The following TRAPPC9 variants were observed in gnomAD, a reference collection of about 807,000 sequenced individuals.
TRAPPC9 encodes trafficking protein particle complex subunit 9, also known as IKK2 binding protein.
Under a neutral mutation model 124.0 loss-of-function variants are expected in TRAPPC9, and 83 were observed. The ratio of observed to expected loss-of-function variants is 0.67; its 90% CI spans 0.56 to 0.80. The LOEUF is 0.80. Ranked by LOEUF, TRAPPC9 falls within the 30% of genes least tolerant of loss-of-function variation. The pLI is 0.00. For missense variants in TRAPPC9, 1,302 were observed against 1,508.3 expected, an observed-to-expected ratio of 0.86 and a Z score of 2.27; for synonymous variants, 638 against 617.5, an observed-to-expected ratio of 1.03 and a Z score of -0.49.
rs771081779 is a variant in TRAPPC9 at position 140,371,078 on chromosome 8, T to C, written c.1237A>G (p.Met413Val). 3.7e-6 allele frequency: 6 copies of C among 1,614,226 alleles called. No homozygotes were observed. The highest frequency in any genetic ancestry group is 3.4e-6 in the Non-Finnish European group (4 of 1,180,040). The change falls in exon 8 of 23, where the codon ATG (methionine) becomes GTG (valine). Residue 413 changes from methionine (M) to valine (V), a missense_variant. By Grantham distance (21) the Met-to-Val change is conservative. This residue lies in a region of TRAPPC9 where 657 missense variants were observed against 811.2 expected (regional missense o/e 0.81). Transcript: ENST00000438773. ...KSAFFKRVAA[M>V]QCVAPSIAEP... ...GCGATGCTTGGGGCCACGCACTGCA[T>C]GGCGGCCACGCGCTTGAAGAACGCA...
chr8:140,369,888 G>T (rs2068228226), intron 8 of TRAPPC9, among the ~76,000 whole-genome samples: 1 of 152,094 alleles, frequency 6.6e-6, no homozygotes, highest in African/African-American at 2.4e-5. Context: ...GGAGTTGGAG[G>T]CTGCAGTGAG....
At chr8:140,124,768 G>A (rs2061054528) in intron 17 of TRAPPC9, among the ~76,000 whole-genome samples, 2 of 151,864 alleles carry the variant, frequency 1.3e-5, no homozygotes, top group South Asian at 2.1e-4. Context: ...TGAGGTGGGG[G>A]TATAATCTCC....
At chr8:140,385,001 C>T (rs1399871540) in intron 7 of TRAPPC9, among the ~76,000 whole-genome samples, 1 of 152,180 alleles carries the variant, frequency 6.6e-6, no homozygotes, top group African/African-American at 2.4e-5. Context: ...AACTAGAACT[C>T]AGGATTAAGA....
intron 2 of TRAPPC9, among the ~76,000 whole-genome samples, chr8:140,443,774 C>T (rs182371095): frequency 1.5e-3 from 235 of 152,174 alleles, no homozygotes; most frequent in African/African-American, 5.3e-3. Flanking sequence ...TGGTGGCTCA[C>T]GCCTGTAATA....
chr8:140,134,369 C>T (rs905122152), intron 17 of TRAPPC9, among the ~76,000 whole-genome samples: 4 of 152,126 alleles, frequency 2.6e-5, no homozygotes, highest in Non-Finnish European at 2.9e-5. Flanking sequence ...TGAGTTCAAG[C>T]GATTCTCCTG....
Position 139,988,743 on chromosome 8 carries a change from G to T in TRAPPC9, c.2793C>A (p.His931Gln). The change falls in exon 19 of 23, where the codon CAC becomes CAA. Residue 931 changes from histidine (H) to glutamine (Q), a missense_variant. Coordinates refer to ENST00000438773, the MANE Select transcript of TRAPPC9 (RefSeq NM_001160372.4). ...ACACTTACCGCTGGCACTCACCGGC[G>T]TGCAGGATGAGTGCCTCGCTGCTCC... ...STRSSEALIL[H>Q]AGECQRMAIQ... 1 of 1,550,438 alleles carries T rather than the reference G, an allele frequency of 6.4e-7. No individual in the cohort carries two copies. The highest frequency in any genetic ancestry group is 8.7e-7 in the Non-Finnish European group (1 of 1,146,572).
chr8:140,269,543 AAAAT>A (rs1446705732), intron 15 of TRAPPC9, among the ~76,000 whole-genome samples: 1 of 134,396 alleles, frequency 7.4e-6, no homozygotes, highest in East Asian at 2.6e-4. Flanking sequence ...TCTGTCTCAA[AAAAT>A]AAAATAAAAT....
At chr8:140,235,261 C>T (rs1249420248) in intron 16 of TRAPPC9, among the ~76,000 whole-genome samples, 1 of 152,144 alleles carries the variant, frequency 6.6e-6, no homozygotes, top group Non-Finnish European at 1.5e-5. Context: ...GCGTGAGCCA[C>T]CATGCCTGGC....
chr8:139,952,421 C>T (rs1388689636), intron 19 of TRAPPC9, among the ~76,000 whole-genome samples: 1 of 152,170 alleles, frequency 6.6e-6, no homozygotes, highest in South Asian at 2.1e-4. Context: ...TGACTCCAGG[C>T]GTGGTGCTTT....
chr8:139,965,546 G>A (rs954278673), intron 19 of TRAPPC9, among the ~76,000 whole-genome samples: 3 of 152,162 alleles, frequency 2.0e-5, no homozygotes, highest in African/African-American at 7.2e-5. Context: ...TTTAATAGTA[G>A]AAAATTTATC....
At chr8:139,787,749 A>T (rs138290633) in intron 21 of TRAPPC9, among the ~76,000 whole-genome samples, 304 of 152,274 alleles carry the variant, frequency 2.0e-3, no homozygotes, top group African/African-American at 7.1e-3. Context: ...CCTGCCAATG[A>T]GCACCTGGGT....
chr8:139,950,568 G>T (rs373508745), intron 19 of TRAPPC9, among the ~76,000 whole-genome samples: 2 of 152,200 alleles, frequency 1.3e-5, no homozygotes, highest in Non-Finnish European at 2.9e-5. Context: ...TTAAGTTGCC[G>T]CTGTGAGGCA....
intron 21 of TRAPPC9, among the ~76,000 whole-genome samples, chr8:139,859,913 T>C (rs12056881): frequency 0.57 from 87,308 of 152,134 alleles, 26,132 homozygotes; most frequent in African/African-American, 0.74. Flanking sequence ...ACAGACCCCT[T>C]GGGAATATGA....
At chr8:140,152,204 C>G (rs1016545109) in intron 17 of TRAPPC9, among the ~76,000 whole-genome samples, 9 of 133,064 alleles carry the variant, frequency 6.8e-5, no homozygotes, top group African/African-American at 2.6e-4. Flanking sequence ...TAACTATGTG[C>G]ATGAAGCCAT....
intron 17 of TRAPPC9, chr8:140,098,114 C>A (rs910617336): frequency 6.6e-6 from 1 of 151,978 alleles, no homozygotes; most frequent in African/African-American, 2.4e-5. Flanking sequence ...CAGCTATCTG[C>A]AGGGTAGGGA....
chr8:140,421,984 C>CAAAAAAAAA (rs35152459), intron 5 of TRAPPC9, among the ~76,000 whole-genome samples: 22 of 43,884 alleles, frequency 5.0e-4, no homozygotes, highest in African/African-American at 8.4e-4. Context: ...TCCCTCATGA[C>CAAAAAAAAA]AAAAAAAAAA....
At position 140,211,457 on chromosome 8, in the gene TRAPPC9, G is replaced by A. The variant is rs72688837; in HGVS notation, c.2556+10002C>T. On this transcript the variant is annotated intron_variant, in intron 17 of 22. Coordinates refer to ENST00000438773, the MANE Select transcript of TRAPPC9 (RefSeq NM_001160372.4). ...ACCTGTAGTCCCAGCTACTTGAGTC[G>A]CTGAGGCAGGAGAATCACTTGAGCC... is the stretch of plus-strand genomic sequence containing the variant. 4.0e-3 allele frequency among the ~76,000 whole-genome samples: 610 copies of A among 152,158 alleles called. 4 individuals are homozygous for A. The highest frequency in any genetic ancestry group is 6.9e-3 in the Non-Finnish European group (466 of 68,000).
chr8:140,325,662 C>T (rs1484342633), intron 9 of TRAPPC9, among the ~76,000 whole-genome samples: 3 of 152,214 alleles, frequency 2.0e-5, no homozygotes, highest in Non-Finnish European at 4.4e-5. Flanking sequence ...TGGCTTCACT[C>T]GTAAGTTCTG....
In TRAPPC9 at chr8:140,225,004, T is replaced by A. The variant is rs1587962985; in HGVS notation, c.2432-3421A>T. Among the ~76,000 whole-genome samples the A allele has an allele frequency of 2.0e-5, 3 of 152,200 alleles. No individual in the cohort carries two copies. The South Asian group carries it at 6.2e-4, about 32-fold the overall frequency. On this transcript the variant is annotated intron_variant, in intron 16 of 22. Coordinates refer to ENST00000438773, the MANE Select transcript of TRAPPC9 (RefSeq NM_001160372.4). Reference sequence around the variant, plus strand: ...TAACCTTCTACAAGCTTTAAATCCATCATCCCCTAAATGGGAATAATTAGA... The same window carrying A: ...TAACCTTCTACAAGCTTTAAATCCAACATCCCCTAAATGGGAATAATTAGA...
Sources: allele counts gnomAD v4.1 joint callset (sites outside exome capture counted in the v4.1 genomes callset), GRCh38; gene constraint gnomAD v4.1.1; regional missense constraint gnomAD v4.1.1; transcripts MANE v1.5; gene names NCBI Gene and HGNC (gene_info 2026-07-23, HGNC 2026-07-21).